Variants in CACNB4 observed in about 807,000 individuals in gnomAD.
CACNB4 encodes the protein calcium voltage-gated channel auxiliary subunit beta 4.
Under a neutral mutation model 71.2 loss-of-function variants are expected in CACNB4, and 32 were observed. The observed-to-expected ratio is 0.45, with a 90% CI of 0.34 to 0.60. The LOEUF is 0.60. CACNB4 is among the 20% of genes least tolerant of loss of function. The probability of loss-of-function intolerance (pLI) is 0.01; values close to 1 mark genes in which losing one functional copy is unlikely to be tolerated. For missense variants in CACNB4, 464 were observed against 647.9 expected (o/e 0.72, Z 3.08); for synonymous variants, 231 against 236.9 (o/e 0.97, Z 0.23).
intron 12 of CACNB4, among the ~76,000 whole-genome samples, chr2:151,843,734 T>C (rs1187779690): frequency 6.6e-6 from 1 of 152,186 alleles, no homozygotes; most frequent in Non-Finnish European, 1.5e-5. Context: ...GTCACTGCCA[T>C]CGGCACTGAT....
intron 2 of CACNB4, among the ~76,000 whole-genome samples, chr2:152,058,605 T>G (rs1685847422): frequency 6.6e-6 from 1 of 152,190 alleles, no homozygotes; most frequent in African/African-American, 2.4e-5. Context: ...AGAGATAATC[T>G]GAAATTGGAA....
Position 152,098,578 on chromosome 2 carries a change from C to A in CACNB4, c.64-165G>T. On this transcript the variant is annotated intron_variant, in intron 1 of 13. Transcript: ENST00000539935. The surrounding 1 kb of genome is among the most constrained non-coding windows in gnomAD (Gnocchi z 5.3). ...TCCCAAATACAGCCCCCACCCCCAC[C>A]CACCCACTGCAAGCCTCGACTGCTG... 1.1e-6 allele frequency: 1 copy of A among 934,576 alleles called. No homozygotes were observed. The highest frequency in any genetic ancestry group is 1.7e-6 in the Non-Finnish European group (1 of 583,030). The allele number at this position is 934,576 out of a possible 1,614,324, so 57.9% of individuals were successfully genotyped here.
chr2:152,034,505 T>C (rs1308194079), intron 2 of CACNB4, among the ~76,000 whole-genome samples: 1 of 152,206 alleles, frequency 6.6e-6, no homozygotes. Flanking sequence ...CTCCGGCCTC[T>C]CCTTTATTTC....
intron 2 of CACNB4, among the ~76,000 whole-genome samples, chr2:151,966,271 C>CT (rs55788380): frequency 0.48 from 73,270 of 151,744 alleles, 20,483 homozygotes; most frequent in Non-Finnish European, 0.64. Context: ...TTCTTTCTTT[C>CT]TTTTTCTTTT....
In CACNB4 at chr2:151,832,984, T is replaced by C. The variant is rs1421634884; in HGVS notation, c.*6135A>G. 1 of 152,132 alleles carries C rather than the reference T, an allele frequency of 6.6e-6. No homozygotes were observed. Among genetic ancestry groups the C allele is most frequent in the Non-Finnish European group, 1.5e-5 (1 of 67,990 alleles). 9.4% of individuals were successfully genotyped at this position (152,132 alleles called of 1,614,324 possible). On this transcript the variant is annotated 3_prime_UTR_variant, in exon 14 of 14. Coordinates refer to ENST00000539935, the MANE Select transcript of CACNB4 (RefSeq NM_000726.5). ...AGGGAGAACAAAACATGCAGCACTG[T>C]ACACATTTGCATAGTATATTTTACC...
chr2:152,029,849 T>C (rs6719674), intron 2 of CACNB4, among the ~76,000 whole-genome samples: 67,480 of 152,082 alleles, frequency 0.44, 17,230 homozygotes, highest in Non-Finnish European at 0.59. Flanking sequence ...ACGTTGGCCT[T>C]TGGCAGACAC....
chr2:151,998,786 C>T (rs763099522), intron 2 of CACNB4, among the ~76,000 whole-genome samples: 6 of 152,148 alleles, frequency 3.9e-5, no homozygotes, highest in Non-Finnish European at 7.3e-5. Context: ...TGAGCCTCTC[C>T]CCTGCGTTCG....
chr2:152,062,606 C>A (rs1365026028), intron 2 of CACNB4, among the ~76,000 whole-genome samples: 1 of 152,174 alleles, frequency 6.6e-6, no homozygotes, highest in Non-Finnish European at 1.5e-5. Flanking sequence ...CTAATCACCT[C>A]CCCATCTCAA....
At chr2:152,003,634 T>C (rs1682552638) in intron 2 of CACNB4, among the ~76,000 whole-genome samples, 1 of 152,098 alleles carries the variant, frequency 6.6e-6, no homozygotes, top group Non-Finnish European at 1.5e-5. Flanking sequence ...TTGGTATGGG[T>C]TACCTTTCAC....
At chr2:151,964,078 A>AT (rs2099870385) in intron 2 of CACNB4, among the ~76,000 whole-genome samples, 2 of 151,344 alleles carry the variant, frequency 1.3e-5, no homozygotes, top group Non-Finnish European at 3.0e-5. Context: ...AGAAAAAAAA[A>AT]AAAAAAAAAA....
At chr2:152,064,410 T>TC (rs1686184030) in intron 2 of CACNB4, among the ~76,000 whole-genome samples, 1 of 152,272 alleles carries the variant, frequency 6.6e-6, no homozygotes, top group African/African-American at 2.4e-5. Flanking sequence ...AGACGGAGTC[T>TC]CGCTCTGTCA....
At chr2:151,890,949 A>C (rs943045386) in intron 2 of CACNB4, among the ~76,000 whole-genome samples, 3 of 152,198 alleles carry the variant, frequency 2.0e-5, no homozygotes, top group African/African-American at 7.2e-5. Flanking sequence ...TAAAATGATA[A>C]TGCCTCCGAT....
rs145338623 is a variant in CACNB4, at chr2:151,998,261, G to A, written c.147+100069C>T. On this transcript the variant is annotated intron_variant, in intron 2 of 13. Transcript: ENST00000539935. ...AATCGCTTGAACTCAGGAGGCGTAG[G>A]TTGTGGTGAGTGGAGATGGTGCCAC... 5.3e-3 allele frequency among the ~76,000 whole-genome samples: 775 copies of A among 147,220 alleles called. 10 individuals are homozygous for A. The highest frequency in any genetic ancestry group is 0.018 in the African/African-American group (696 of 38,734).
In CACNB4 at chr2:152,098,373, C is replaced by T. The variant is rs982759735; in HGVS notation, c.104G>A (p.Arg35Lys). 1 of 1,613,776 alleles carries T rather than the reference C, an allele frequency of 6.2e-7. No homozygotes were observed. The highest frequency in any genetic ancestry group is 8.5e-7 in the Non-Finnish European group (1 of 1,179,712). Residue 35 changes from arginine (R) to lysine (K), a missense_variant, in exon 2 of 14, where the codon AGA becomes AAA. Physicochemically the swap from Arg to Lys is conservative, Grantham distance 26. Around this residue, in one of 3 missense-constraint regions of CACNB4, gnomAD observed 50 missense variants for 47.5 expected, o/e 1.05. Transcript: ENST00000539935. The surrounding 1 kb of genome is among the most constrained non-coding windows in gnomAD (Gnocchi z 5.3). ...GGTCGAAGTGGTGCTGCCATCGGAT[C>T]TTTTCAACCTGCTCCTCCGGGTTGT... ...GTTTRRSRLK[R>K]SDGSTTSTSF...
intron 2 of CACNB4, among the ~76,000 whole-genome samples, chr2:151,928,277 C>G (rs937344920): frequency 7.9e-5 from 12 of 152,142 alleles, no homozygotes; most frequent in African/African-American, 2.9e-4. Flanking sequence ...AGCTTTTGAC[C>G]AGTTTGATGC....
intron 2 of CACNB4, among the ~76,000 whole-genome samples, chr2:151,898,575 C>T (rs891540906): frequency 3.3e-5 from 5 of 152,100 alleles, no homozygotes; most frequent in South Asian, 2.1e-4. Context: ...GTTGTTTCAA[C>T]GAGGAAAATA....
chr2:152,068,474 C>T (rs945971213), intron 2 of CACNB4, among the ~76,000 whole-genome samples: 1 of 152,182 alleles, frequency 6.6e-6, no homozygotes, highest in Admixed American at 6.5e-5. Flanking sequence ...GAATATGTAT[C>T]AGTGGGAACC....
chr2:151,847,783 G>A (rs936467754), intron 12 of CACNB4, among the ~76,000 whole-genome samples: 3 of 152,174 alleles, frequency 2.0e-5, no homozygotes, highest in Non-Finnish European at 4.4e-5. Context: ...CTACTTGGGA[G>A]GCTGAGGCAG....
intron 2 of CACNB4, among the ~76,000 whole-genome samples, chr2:152,061,044 A>G (rs1038996116): frequency 1.3e-5 from 2 of 152,212 alleles, no homozygotes; most frequent in Non-Finnish European, 2.9e-5. Flanking sequence ...AAGATAGTTC[A>G]TGCCTATAAT....
Sources: gnomAD v4.1 joint callset for allele counts (sites outside exome capture counted in the v4.1 genomes callset) on GRCh38, gnomAD v4.1.1 for gene constraint, gnomAD v4.1.1 regional missense constraint, Gnocchi (gnomAD v3.1) non-coding constraint, MANE v1.5 for transcripts, NCBI Gene and HGNC (gene_info 2026-07-23, HGNC 2026-07-21) for gene names.